The following PLG variants were observed in gnomAD, a reference collection of about 807,000 sequenced individuals.
PLG encodes the protein plasminogen.
In PLG, 41 loss-of-function variants were observed where a neutral mutation model predicts 104.4. The ratio of observed to expected loss-of-function variants is 0.39; its 90% CI spans 0.31 to 0.51. PLG has a LOEUF of 0.51. PLG is among the 20% of genes least tolerant of loss of function. The pLI, the probability that PLG is intolerant of heterozygous loss-of-function variation, is 0.76. For synonymous variants in PLG, 337 were observed against 357.1 expected (o/e 0.94, Z 0.63); for missense variants, 891 against 1,003.6 (o/e 0.89, Z 1.52).
intron 6 of PLG, among the ~76,000 whole-genome samples, chr6:160,716,297 T>C (rs1344238628): frequency 6.6e-6 from 1 of 152,184 alleles, no homozygotes; most frequent in East Asian, 1.9e-4. Flanking sequence ...TGTAAACTGT[T>C]AGAAAAACAG....
Position 160,718,364 on chromosome 6 carries a change from T to C in PLG, c.858T>C (p.Asn286=), listed in dbSNP as rs1777776901. Reference sequence around the variant, plus strand: ...GAACAGGTGAAAACTATCGCGGGAATGTGGCTGTTACCGTGTCCGGGCACA... The same window carrying C: ...GAACAGGTGAAAACTATCGCGGGAACGTGGCTGTTACCGTGTCCGGGCACA... The part of the protein sequence containing the change: ...LKGTGENYRG[N]VAVTVSGHTC... The change falls in exon 8 of 19, where the codon AAT becomes AAC. Residue 286 remains asparagine, a synonymous_variant. Coordinates refer to ENST00000308192, the MANE Select transcript of PLG (RefSeq NM_000301.5). 1 of 1,613,606 alleles carries C rather than the reference T, an allele frequency of 6.2e-7. No homozygotes were observed. Among genetic ancestry groups the C allele is most frequent in the Admixed American group, 1.7e-5 (1 of 60,012 alleles).
In PLG at chr6:160,741,460, C is replaced by T. The variant is rs773322504; in HGVS notation, c.2125+43C>T. The T allele has an allele frequency of 9.0e-7, 1 of 1,109,890 alleles. No homozygotes were observed. Among genetic ancestry groups the T allele is most frequent in the Non-Finnish European group, 1.4e-6 (1 of 720,074 alleles). 68.8% of individuals were successfully genotyped at this position (1,109,890 alleles called of 1,614,324 possible). ...GCCCACATAACGAATTGGTTTTGAC[C>T]TACAGTCCATGTGACAAAATGATCA... is the stretch of plus-strand genomic sequence containing the variant. On this transcript the variant is annotated intron_variant, in intron 17 of 18. Transcript: ENST00000308192. The surrounding 1 kb of genome is among the most constrained non-coding windows in gnomAD (Gnocchi z 4.7).
In PLG at chr6:160,741,387, T is replaced by C. The variant is rs778315137; in HGVS notation, c.2095T>C (p.Cys699Arg). 2 of 1,613,122 alleles carry C rather than the reference T, an allele frequency of 1.2e-6. No homozygotes were observed. Among genetic ancestry groups the C allele is most frequent in the Non-Finnish European group, 8.5e-7 (1 of 1,178,988 alleles). Residue 699 changes from cysteine (C) to arginine (R), a missense_variant, in exon 17 of 19, where the codon TGT (cysteine) becomes CGT (arginine). By Grantham distance (180) the Cys-to-Arg change is radical (BLOSUM62 -3). Coordinates refer to ENST00000308192, the MANE Select transcript of PLG (RefSeq NM_000301.5). This position sits in a 1 kb window ranked among gnomAD's most constrained non-coding sequence, Gnocchi z 4.7. ...PNYVVADRTE[C>R]FITGWGETQG... is the part of the protein sequence containing the mutation. ...TTATGTGGTCGCTGACCGGACCGAA[T>C]GTTTCATCACTGGCTGGGGAGAAAC...
At position 160,734,660 on chromosome 6, in the gene PLG, G is replaced by C. The variant is rs567623520; in HGVS notation, c.1681+572G>C. Among the ~76,000 whole-genome samples the C allele has an allele frequency of 4.7e-5, 7 of 149,668 alleles. No homozygotes were observed. In the East Asian group the frequency reaches 1.2e-3, roughly 25 times the overall value. Reference sequence around the variant, plus strand: ...CCATCCTCATTGCTCTGAGACTCTTGTTGGGAGTATGAGGCTTGGATCAGG... The same window carrying C: ...CCATCCTCATTGCTCTGAGACTCTTCTTGGGAGTATGAGGCTTGGATCAGG... On this transcript the variant is annotated intron_variant, in intron 13 of 18. Transcript: ENST00000308192. The surrounding 1 kb of genome is among the most constrained non-coding windows in gnomAD (Gnocchi z 4.4).
intron 1 of PLG, among the ~76,000 whole-genome samples, chr6:160,704,457 T>C (rs1303871836): frequency 1.3e-5 from 2 of 152,208 alleles, no homozygotes; most frequent in Admixed American, 1.3e-4. Flanking sequence ...CTTCAGAAAG[T>C]TTAACTGAAC....
Position 160,739,368 on chromosome 6 carries a change from C to T in PLG, c.2018+160C>T, listed in dbSNP as rs1433473201. The stretch of plus-strand genomic sequence containing the variant: ...ACAGCATCAATCTTCAACCCTAGCC[C>T]TGCCACATGCTAGCTGTGCTCTTGA... On this transcript the variant is annotated intron_variant, in intron 16 of 18. Coordinates refer to ENST00000308192, the MANE Select transcript of PLG (RefSeq NM_000301.5). This position sits in a 1 kb window ranked among gnomAD's most constrained non-coding sequence, Gnocchi z 4.4. Among the ~76,000 whole-genome samples the T allele has an allele frequency of 6.6e-6, 1 of 152,140 alleles. No individual in the cohort carries two copies. The highest frequency in any genetic ancestry group is 1.5e-5 in the Non-Finnish European group (1 of 68,026).
In PLG at chr6:160,713,050, G is replaced by A. The variant is rs141045811; in HGVS notation, c.472G>A (p.Asp158Asn). Residue 158 changes from aspartate (D) to asparagine (N), a missense_variant, in exon 5 of 19, where the codon GAT becomes AAT. Physicochemically the swap from Asp to Asn is conservative, Grantham distance 23 (BLOSUM62 1). Transcript: ENST00000308192. ...GAACTACTGCAGGAATCCAGACAAC[G>A]ATCCGCAGGGGCCCTGGTGCTATAC... Reference protein sequence around the residue: ...EENYCRNPDNDPQGPWCYTTD... With the variant: ...EENYCRNPDNNPQGPWCYTTD... 16 of 1,608,290 alleles carry A rather than the reference G, an allele frequency of 9.9e-6. No homozygotes were observed. The highest frequency in any genetic ancestry group is 1.4e-5 in the Non-Finnish European group (16 of 1,176,550).
chr6:160,702,860 A>G (rs1276943534), intron 1 of PLG, among the ~76,000 whole-genome samples: 3 of 152,184 alleles, frequency 2.0e-5, no homozygotes, highest in African/African-American at 7.2e-5. Context: ...CCATCAGTAT[A>G]CGTTTGCCTC....
chr6:160,726,237 CAG>C lies in PLG; in HGVS notation c.1256+3673_1256+3674del, dbSNP rs1179052089. Among the ~76,000 whole-genome samples, 1 of 151,280 alleles carries C rather than the reference CAG, an allele frequency of 6.6e-6. No homozygotes were observed. Among genetic ancestry groups the C allele is most frequent in the African/African-American group, 2.4e-5 (1 of 41,322 alleles). On this transcript the variant is annotated intron_variant, in intron 10 of 18. Transcript: ENST00000308192. This position sits in a 1 kb window ranked among gnomAD's most constrained non-coding sequence, Gnocchi z 4.4. ...TAGATTGAAAAGAATTAAAATGATACAGAGTCTGTTTTTGAGCAAAACAGAAT... is the reference window on the plus strand; with the variant it reads ...TAGATTGAAAAGAATTAAAATGATACAGTCTGTTTTTGAGCAAAACAGAAT...
At chr6:160,729,863 G>A (rs936210868) in intron 10 of PLG, among the ~76,000 whole-genome samples, 16 of 152,332 alleles carry the variant, frequency 1.1e-4, no homozygotes, top group African/African-American at 3.8e-4. Context: ...TTTAAGATCT[G>A]TGCATTTCAC....
At chr6:160,751,373 A>G (rs1033853241) in intron 17 of PLG, among the ~76,000 whole-genome samples, 14 of 152,224 alleles carry the variant, frequency 9.2e-5, no homozygotes, top group African/African-American at 2.9e-4. Flanking sequence ...TAACAGTAGA[A>G]CAGAAATGAT....
chr6:160,729,370 C>A (rs545017194), intron 10 of PLG, among the ~76,000 whole-genome samples: 1 of 152,278 alleles, frequency 6.6e-6, no homozygotes, highest in East Asian at 1.9e-4. Context: ...AACTGCAATT[C>A]TATTCCTGAA....
At chr6:160,742,684 T>C (rs552970339) in intron 17 of PLG, among the ~76,000 whole-genome samples, 119 of 152,322 alleles carry the variant, frequency 7.8e-4, no homozygotes, top group African/African-American at 2.7e-3. Context: ...TTTGCCTTTG[T>C]TGAGATTGCT....
chr6:160,713,022 G>A lies in PLG; in HGVS notation c.444G>A (p.Glu148=), dbSNP rs1181457464. 1 of 1,609,664 alleles carries A rather than the reference G, an allele frequency of 6.2e-7. No individual in the cohort carries two copies. Among genetic ancestry groups the A allele is most frequent in the South Asian group, 1.1e-5 (1 of 90,948 alleles). Residue 148 remains glutamate, a synonymous_variant, in exon 5 of 19, where the codon GAG becomes GAA. Coordinates refer to ENST00000308192, the MANE Select transcript of PLG (RefSeq NM_000301.5). ...CTACACACCCCTCAGAGGGACTGGAGGAGAACTACTGCAGGAATCCAGACA... is the reference window on the plus strand; with the variant it reads ...CTACACACCCCTCAGAGGGACTGGAAGAGAACTACTGCAGGAATCCAGACA... ...SPATHPSEGL[E]ENYCRNPDND... is the part of the protein sequence containing the mutation.
rs778799646 is a variant in PLG at position 160,739,021 on chromosome 6, G to GAA, written c.1878-46_1878-45dup. ...CAATTTCATGGCACAGAGGTTACCT[G>GAA]AAGGGGCTGGACCATATTTTCCTCT... On this transcript the variant is annotated intron_variant, in intron 15 of 18. Coordinates refer to ENST00000308192, the MANE Select transcript of PLG (RefSeq NM_000301.5). The surrounding 1 kb of genome is among the most constrained non-coding windows in gnomAD (Gnocchi z 4.4). 54 of 1,612,086 alleles carry GAA rather than the reference G, an allele frequency of 3.3e-5. No individual in the cohort carries two copies.
In PLG at chr6:160,723,491, A is replaced by G. The variant is rs1291070305; in HGVS notation, c.1256+924A>G. On this transcript the variant is annotated intron_variant, in intron 10 of 18. Transcript: ENST00000308192. The surrounding 1 kb of genome is among the most constrained non-coding windows in gnomAD (Gnocchi z 4.7). ...TTCCTGGAGACTTCCTGGGCTGAAG[A>G]ACAAGGAGATGGAGCCCAAGCCGAC... Among the ~76,000 whole-genome samples the G allele has an allele frequency of 6.6e-6, 1 of 152,224 alleles. No homozygotes were observed. Among genetic ancestry groups the G allele is most frequent in the Non-Finnish European group, 1.5e-5 (1 of 68,036 alleles).
At position 160,736,822 on chromosome 6, in the gene PLG, T is replaced by C; in HGVS notation, c.1682-65T>C. 1 of 1,605,416 alleles carries C rather than the reference T, an allele frequency of 6.2e-7. No individual in the cohort carries two copies. ...AAAAACTCAGTGCTTGGAATTTGTC[T>C]CGAATTACACCACAAAATTGCTACC... On this transcript the variant is annotated intron_variant, in intron 13 of 18. Transcript: ENST00000308192. This position sits in a 1 kb window ranked among gnomAD's most constrained non-coding sequence, Gnocchi z 5.2.
In PLG at chr6:160,707,779, A is replaced by G; in HGVS notation, c.265A>G (p.Arg89Gly). ...NRKSSIIIRM[R>G]DVVLFEKKVY... is the part of the protein sequence containing the mutation. ...GAAGTCCTCCATAATCATTAGGATG[A>G]GAGATGTAGTTTTATTTGAAAAGAA... Residue 89 changes from arginine to glycine, a missense_variant, in exon 3 of 19, where the codon AGA becomes GGA. Around this residue, in one of 2 missense-constraint regions of PLG, gnomAD observed 854 missense variants for 932.1 expected, o/e 0.92. Transcript: ENST00000308192. 1 of 1,611,448 alleles carries G rather than the reference A, an allele frequency of 6.2e-7. No individual in the cohort carries two copies. The highest frequency in any genetic ancestry group is 1.1e-5 in the South Asian group (1 of 90,968).
intron 17 of PLG, among the ~76,000 whole-genome samples, chr6:160,748,624 G>T (rs974374023): frequency 2.0e-5 from 3 of 152,046 alleles, no homozygotes; most frequent in African/African-American, 7.2e-5. Context: ...ATAATAATAT[G>T]GAATAGAGTT....
Sources: allele counts gnomAD v4.1 joint callset (sites outside exome capture counted in the v4.1 genomes callset), GRCh38; gene constraint gnomAD v4.1.1; regional missense constraint gnomAD v4.1.1; non-coding constraint Gnocchi (gnomAD v3.1); transcripts MANE v1.5; gene names NCBI Gene and HGNC (gene_info 2026-07-23, HGNC 2026-07-21).